The following MDFIC2 variants were observed in gnomAD, a reference collection of about 807,000 sequenced individuals.
MDFIC2 encodes the protein MyoD family inhibitor domain containing 2, also known as myoD family inhibitor domain-containing protein 2.
In MDFIC2 at chr3:70,291,200, G is replaced by T. The variant is rs144620816; in HGVS notation, c.88+20686C>A. The T allele has an allele frequency of 7.9e-3, 1,197 of 152,252 alleles. 9 individuals are homozygous for T. Among genetic ancestry groups the T allele is most frequent in the Middle Eastern group, 0.038 (11 of 292 alleles). The allele number at this position is 152,252 out of a possible 1,614,324, so 9.4% of individuals were successfully genotyped here. ...CCAGGGCCCTGGAGCCAGACTGTCT[G>T]GGGTTTGAAATCAGCTCCTCCACCT... On this transcript the variant is annotated intron_variant, in intron 2 of 3. Coordinates refer to ENST00000567252, the MANE Select transcript of MDFIC2 (RefSeq NM_001364677.1).
At chr3:70,269,643 T>C (rs1157586484) in intron 2 of MDFIC2, among the ~76,000 whole-genome samples, 4 of 152,210 alleles carry the variant, frequency 2.6e-5, no homozygotes, top group African/African-American at 9.7e-5. Flanking sequence ...TTAATTTAAT[T>C]TGTCTAAGGT....
At chr3:70,219,552 A>G (rs1701443383) in intron 2 of MDFIC2, among the ~76,000 whole-genome samples, 1 of 152,178 alleles carries the variant, frequency 6.6e-6, no homozygotes, top group Non-Finnish European at 1.5e-5. Context: ...TGTAAAGAAA[A>G]GAGAAATACT....
At chr3:70,200,136 G>A (rs1473081648) in intron 3 of MDFIC2, among the ~76,000 whole-genome samples, 1 of 152,080 alleles carries the variant, frequency 6.6e-6, no homozygotes, top group Admixed American at 6.6e-5. Context: ...TCCACAAGCT[G>A]CTCACCACCT....
At chr3:70,228,859 C>T (rs1276438847) in intron 2 of MDFIC2, among the ~76,000 whole-genome samples, 1 of 151,778 alleles carries the variant, frequency 6.6e-6, no homozygotes, top group Non-Finnish European at 1.5e-5. Flanking sequence ...CTAATGCTAC[C>T]AAGTGTCTAT....
chr3:70,292,769 A>G (rs1362306895), intron 2 of MDFIC2, among the ~76,000 whole-genome samples: 1 of 152,076 alleles, frequency 6.6e-6, no homozygotes, highest in East Asian at 1.9e-4. Context: ...CAGATAAAGA[A>G]AAGAATTATT....
chr3:70,260,838 A>G (rs1307339307), intron 2 of MDFIC2, among the ~76,000 whole-genome samples: 1 of 152,092 alleles, frequency 6.6e-6, no homozygotes, highest in Non-Finnish European at 1.5e-5. Flanking sequence ...CCCTTTTAAA[A>G]GCAGTCCCTT....
At chr3:70,294,894 C>T (rs1702275096) in intron 2 of MDFIC2, among the ~76,000 whole-genome samples, 1 of 152,024 alleles carries the variant, frequency 6.6e-6, no homozygotes, top group Non-Finnish European at 1.5e-5. Context: ...TGTGAACCAT[C>T]TTAAAGGAGC....
intron 2 of MDFIC2, among the ~76,000 whole-genome samples, chr3:70,253,450 C>T (rs1170518590): frequency 1.3e-5 from 2 of 152,062 alleles, no homozygotes; most frequent in Non-Finnish European, 2.9e-5. Context: ...CACCTTATTT[C>T]CACATTGAAA....
chr3:70,250,608 T>G (rs1391100160), intron 2 of MDFIC2, among the ~76,000 whole-genome samples: 3 of 152,170 alleles, frequency 2.0e-5, no homozygotes, highest in African/African-American at 7.2e-5. Flanking sequence ...TGGCAAAGGT[T>G]TGTTCAGCGA....
chr3:70,278,084 T>A (rs1440689447), intron 2 of MDFIC2, among the ~76,000 whole-genome samples: 1 of 152,108 alleles, frequency 6.6e-6, no homozygotes, highest in Admixed American at 6.6e-5. Flanking sequence ...CATAGACAGC[T>A]CTCATCATTT....
intron 2 of MDFIC2, among the ~76,000 whole-genome samples, chr3:70,295,361 G>A (rs1322730675): frequency 6.6e-6 from 1 of 152,126 alleles, no homozygotes; most frequent in East Asian, 1.9e-4. Flanking sequence ...AGGTATGTGT[G>A]ATTCCAAAAA....
At chr3:70,297,348 A>G (rs1256517915) in intron 2 of MDFIC2, among the ~76,000 whole-genome samples, 1 of 152,092 alleles carries the variant, frequency 6.6e-6, no homozygotes, top group Non-Finnish European at 1.5e-5. Flanking sequence ...CTTGCTCTAG[A>G]CCACAAAAAG....
At position 70,195,471 on chromosome 3, in the gene MDFIC2, T is replaced by A. The variant is rs560138018; in HGVS notation, c.*1455A>T. Among the ~76,000 whole-genome samples, 1 of 152,316 alleles carries A rather than the reference T, an allele frequency of 6.6e-6. No homozygotes were observed. Among genetic ancestry groups the A allele is most frequent in the East Asian group, 1.9e-4 (1 of 5,180 alleles). On this transcript the variant is annotated 3_prime_UTR_variant, in exon 4 of 4. Transcript: ENST00000567252. ...CAAATATTTTTAACAGATGAATAGT[T>A]TTCAATGTTTGGGAGAGTTTATTTC...
At chr3:70,292,315 A>G (rs1057031347) in intron 2 of MDFIC2, among the ~76,000 whole-genome samples, 1 of 152,174 alleles carries the variant, frequency 6.6e-6, no homozygotes, top group African/African-American at 2.4e-5. Context: ...GTATCTATCT[A>G]TTAGAATGGA....
intron 2 of MDFIC2, among the ~76,000 whole-genome samples, chr3:70,254,223 G>T (rs753036368): frequency 1.2e-4 from 18 of 152,218 alleles, no homozygotes; most frequent in African/African-American, 1.9e-4. Flanking sequence ...CAGCTGTGAA[G>T]TCTGCATTTG....
chr3:70,217,175 C>A (rs1000340464), intron 2 of MDFIC2, among the ~76,000 whole-genome samples: 1 of 152,052 alleles, frequency 6.6e-6, no homozygotes, highest in Non-Finnish European at 1.5e-5. Context: ...TAAAAGAGGA[C>A]CTGGGAGACC....
intron 3 of MDFIC2, among the ~76,000 whole-genome samples, chr3:70,204,231 A>G (rs1213089198): frequency 1.3e-5 from 2 of 152,178 alleles, no homozygotes; most frequent in African/African-American, 2.4e-5. Flanking sequence ...TGGATGCAGT[A>G]TTCTCTTTTC....
chr3:70,214,849 A>T (rs1701390387), intron 2 of MDFIC2, among the ~76,000 whole-genome samples: 1 of 152,070 alleles, frequency 6.6e-6, no homozygotes, highest in African/African-American at 2.4e-5. Flanking sequence ...ATGTTTGTAA[A>T]AAGTGTCTCA....
At chr3:70,310,468 C>A (rs879901212) in intron 2 of MDFIC2, among the ~76,000 whole-genome samples, 2 of 151,894 alleles carry the variant, frequency 1.3e-5, no homozygotes, top group African/African-American at 2.4e-5. Flanking sequence ...CCAGTTCAAG[C>A]GATTATCCTG....
Sources: allele counts gnomAD v4.1 joint callset (sites outside exome capture counted in the v4.1 genomes callset), GRCh38; gene constraint gnomAD v4.1.1; transcripts MANE v1.5; gene names NCBI Gene and HGNC (gene_info 2026-07-23, HGNC 2026-07-21).